Variants in VPS13A observed in about 807,000 individuals in gnomAD.
VPS13A encodes the protein vacuolar protein sorting 13 homolog A.
VPS13A carries 264 observed loss-of-function variants against 390.9 expected under a neutral mutation model. The observed-to-expected ratio is 0.68, with a 90% CI of 0.61 to 0.75. The LOEUF is 0.75. Among genes scored for constraint, VPS13A ranks in the 30% least tolerant of loss-of-function variants. The pLI, the probability that VPS13A is intolerant of heterozygous loss-of-function variation, is 0.00. For missense variants in VPS13A, 3,409 were observed against 3,733.9 expected, an observed-to-expected ratio of 0.91 and a Z score of 2.27; for synonymous variants, 1,231 against 1,227.1, an observed-to-expected ratio of 1.00 and a Z score of -0.07.
intron 24 of VPS13A, among the ~76,000 whole-genome samples, chr9:77,273,572 G>A (rs944683208): frequency 1.3e-5 from 2 of 152,146 alleles, no homozygotes; most frequent in Non-Finnish European, 2.9e-5. Flanking sequence ...ATGGGTACAT[G>A]CAAGAAGCTC....
intron 31 of VPS13A, 24 bp downstream of exon 31, chr9:77,283,674 AT>A: frequency 6.7e-7 from 1 of 1,495,976 alleles, no homozygotes; most frequent in Non-Finnish European, 9.2e-7. Flanking sequence ...TAATTAAATA[AT>A]AGTACATCAT....
rs764750026 is a variant in VPS13A, at chr9:77,418,115, A to G, written c.*2109A>G. 2.6e-5 allele frequency: 4 copies of G among 152,224 alleles called. No homozygotes were observed. The highest frequency in any genetic ancestry group is 5.9e-5 in the Non-Finnish European group (4 of 68,030). 9.4% of individuals were successfully genotyped at this position (152,224 alleles called of 1,614,324 possible). ...ATTTACAGTTTTTGTTTGATTCTGTAGCCCATTTTTCTTGAAGGTTAGAAT... is the reference window on the plus strand; with the variant it reads ...ATTTACAGTTTTTGTTTGATTCTGTGGCCCATTTTTCTTGAAGGTTAGAAT... On this transcript the variant is annotated 3_prime_UTR_variant, in exon 72 of 72. Coordinates refer to ENST00000360280, the MANE Select transcript of VPS13A (RefSeq NM_033305.3).
Position 77,318,337 on chromosome 9 carries a change from T to A in VPS13A, c.5059T>A (p.Trp1687Arg). 2 of 1,613,170 alleles carry A rather than the reference T, an allele frequency of 1.2e-6. No homozygotes were observed. The highest frequency in any genetic ancestry group is 8.5e-7 in the Non-Finnish European group (1 of 1,179,780). Residue 1687 changes from tryptophan (W) to arginine (R), a missense_variant, in exon 41 of 72, where the codon TGG (tryptophan) becomes AGG (arginine). Physicochemically the swap from Trp to Arg is moderately radical, Grantham distance 101. This residue lies in a region of VPS13A where 2,717 missense variants were observed against 2,917.4 expected (regional missense o/e 0.93). Transcript: ENST00000360280. Reference sequence around the variant, plus strand: ...AACGGCTTCTTCTACTGCACATTTATGGGAAAAGAAGGATACAAAGACTTT... The same window carrying A: ...AACGGCTTCTTCTACTGCACATTTAAGGGAAAAGAAGGATACAAAGACTTT... Reference protein sequence around the residue: ...EETASSTAHLWEKKDTKTLKM... With the variant: ...EETASSTAHLREKKDTKTLKM...
At chr9:77,267,014 G>C (rs75550331) in intron 23 of VPS13A, among the ~76,000 whole-genome samples, 1,897 of 151,892 alleles carry the variant, frequency 0.012, 39 homozygotes, top group African/African-American at 0.044. Flanking sequence ...CACTCCATCA[G>C]GTCATTTATG....
At chr9:77,249,380 G>A (rs770349189) in intron 20 of VPS13A, among the ~76,000 whole-genome samples, 5 of 152,144 alleles carry the variant, frequency 3.3e-5, no homozygotes, top group Non-Finnish European at 5.9e-5. Context: ...TTAGGAGTAA[G>A]GATATCTAAT....
chr9:77,271,653 A>G (rs893842092), intron 23 of VPS13A, among the ~76,000 whole-genome samples: 8 of 152,200 alleles, frequency 5.3e-5, no homozygotes, highest in Non-Finnish European at 1.0e-4. Flanking sequence ...TGTAGCAGTG[A>G]TGGGCAGTGA....
At chr9:77,338,612 C>G (rs1830655564) in intron 47 of VPS13A, 1 of 152,142 alleles carries the variant, frequency 6.6e-6, no homozygotes, top group African/African-American at 2.4e-5. Context: ...ATTTATCACT[C>G]TAGCACTACC....
chr9:77,380,475 C>G (rs1268601508), intron 67 of VPS13A, among the ~76,000 whole-genome samples: 1 of 151,978 alleles, frequency 6.6e-6, no homozygotes, highest in African/African-American at 2.4e-5. Flanking sequence ...CCACGCCCGG[C>G]TAATTTTTGT....
chr9:77,295,895 T>G (rs1030294447), intron 33 of VPS13A, 49 bp downstream of exon 33: 57 of 1,586,122 alleles, frequency 3.6e-5, no homozygotes, highest in Non-Finnish European at 4.8e-5. Context: ...TTTTTCTAAC[T>G]TTTTAAAGAC....
At chr9:77,221,595 CA>C (rs1157425700) in intron 13 of VPS13A, among the ~76,000 whole-genome samples, 1 of 152,122 alleles carries the variant, frequency 6.6e-6, no homozygotes. Flanking sequence ...TGGGTTCATG[CA>C]AATAGTATGA....
intron 24 of VPS13A, 91 bp from the exon 25 acceptor site, chr9:77,275,407 T>A: frequency 8.4e-7 from 1 of 1,195,308 alleles, no homozygotes; most frequent in East Asian, 2.5e-5. Flanking sequence ...AAGAGAGCCT[T>A]AGTGTTTTAG....
chr9:77,388,987 C>A (rs76298245), intron 68 of VPS13A, among the ~76,000 whole-genome samples: 1 of 151,944 alleles, frequency 6.6e-6, no homozygotes, highest in African/African-American at 2.4e-5. Flanking sequence ...TATAAAGATA[C>A]GAAATTTTTC....
chr9:77,280,786 T>G (rs1384996807), intron 27 of VPS13A, among the ~76,000 whole-genome samples: 2 of 152,180 alleles, frequency 1.3e-5, no homozygotes, highest in Non-Finnish European at 1.5e-5. Flanking sequence ...CAGAAAGCAT[T>G]TAATCACTTT....
chr9:77,332,248 G>T (rs1041670212), intron 46 of VPS13A, 135 bp downstream of exon 46: 5 of 663,164 alleles, frequency 7.5e-6, no homozygotes, highest in South Asian at 1.8e-5. Context: ...AGTGCACTTA[G>T]ATCTTAAAAA....
rs188601364 is a variant in VPS13A at position 77,272,143 on chromosome 9, T to C, written c.2428-1137T>C. ...GAAGCTATTTGTGTTTGATATGATA[T>C]GTAACCGTTATGCATTTGTGAAATT... On this transcript the variant is annotated intron_variant, in intron 23 of 71. Coordinates refer to ENST00000360280, the MANE Select transcript of VPS13A (RefSeq NM_033305.3). Among the ~76,000 whole-genome samples, 9 of 152,288 alleles carry C rather than the reference T, an allele frequency of 5.9e-5. No homozygotes were observed. In the East Asian group the frequency reaches 1.7e-3, roughly 29 times the overall value.
At chr9:77,260,277 A>T in intron 23 of VPS13A, 53 bp downstream of exon 23, 1 of 1,572,970 alleles carries the variant, frequency 6.4e-7, no homozygotes, top group Non-Finnish European at 8.7e-7. Flanking sequence ...GTCCACAAAT[A>T]GTATTTCAAA....
intron 6 of VPS13A, 69 bp from the exon 7 acceptor site, chr9:77,210,547 T>G (rs1825923916): frequency 2.6e-6 from 4 of 1,518,436 alleles, no homozygotes; most frequent in Non-Finnish European, 2.7e-6. Flanking sequence ...CATTGACAGT[T>G]TTTTCTATAA....
In VPS13A at chr9:77,403,334, C is replaced by T. The variant is rs1803375933; in HGVS notation, c.9275+13C>T. The T allele has an allele frequency of 1.3e-6, 2 of 1,599,576 alleles. No individual in the cohort carries two copies. Among genetic ancestry groups the T allele is most frequent in the African/African-American group, 1.3e-5 (1 of 74,794 alleles). On this transcript the variant is annotated intron_variant, in intron 69 of 71. Coordinates refer to ENST00000360280, the MANE Select transcript of VPS13A (RefSeq NM_033305.3). ...TGATAACCAGACGGTAACTTGCTTT[C>T]TTTCTCTTACGTAATTTTATAAGGG...
At chr9:77,283,237 A>G (rs925590995) in intron 29 of VPS13A, 118 bp from the exon 30 acceptor site, 2 of 646,344 alleles carry the variant, frequency 3.1e-6, no homozygotes, top group Admixed American at 5.7e-5. Context: ...ACTGAATTGC[A>G]GATCAGGTTT....
Sources: allele counts gnomAD v4.1 joint callset (sites outside exome capture counted in the v4.1 genomes callset), GRCh38; gene constraint gnomAD v4.1.1; regional missense constraint gnomAD v4.1.1; transcripts MANE v1.5; gene names NCBI Gene and HGNC (gene_info 2026-07-23, HGNC 2026-07-21).